The following APCDD1L variants were observed in gnomAD, a reference collection of about 807,000 sequenced individuals.
APCDD1L encodes APC down-regulated 1 like, also known as protein APCDD1-like.
Under a neutral mutation model 24.2 loss-of-function variants are expected in APCDD1L, and 21 were observed. The ratio of observed to expected loss-of-function variants is 0.87; its 90% CI spans 0.61 to 1.25. APCDD1L has a LOEUF of 1.25. Ranked by LOEUF, APCDD1L falls within the 50% of genes most tolerant of loss-of-function variation. The probability of loss-of-function intolerance (pLI) is 0.00; values close to 1 mark genes in which losing one functional copy is unlikely to be tolerated. For missense variants in APCDD1L, 704 were observed against 711.7 expected (o/e 0.99, Z 0.12); for synonymous variants, 321 against 323.6 (o/e 0.99, Z 0.09).
intron 1 of APCDD1L, among the ~76,000 whole-genome samples, chr20:58,506,937 G>C (rs753887536): frequency 2.0e-5 from 3 of 152,148 alleles, no homozygotes; most frequent in Non-Finnish European, 2.9e-5. Context: ...CAAGAAGCTT[G>C]GTGGTCCACA....
At chr20:58,492,682 C>G (rs1242758479) in intron 1 of APCDD1L, among the ~76,000 whole-genome samples, 1 of 152,266 alleles carries the variant, frequency 6.6e-6, no homozygotes, top group Non-Finnish European at 1.5e-5. Context: ...GAATCACAAT[C>G]AGAAATACAT....
chr20:58,512,253 C>T (rs983905443), intron 1 of APCDD1L, among the ~76,000 whole-genome samples: 9 of 152,330 alleles, frequency 5.9e-5, no homozygotes, highest in South Asian at 2.1e-4. Context: ...ATTTCCTGAT[C>T]GTTCAGAGCA....
chr20:58,475,454 G>A (rs1989888806), intron 1 of APCDD1L, among the ~76,000 whole-genome samples: 1 of 152,052 alleles, frequency 6.6e-6, no homozygotes, highest in African/African-American at 2.4e-5. Flanking sequence ...AGTTTTAAAA[G>A]GTGATTGATC....
chr20:58,501,476 C>T (rs1339570321), intron 1 of APCDD1L, among the ~76,000 whole-genome samples: 1 of 152,222 alleles, frequency 6.6e-6, no homozygotes, highest in East Asian at 1.9e-4. Context: ...AGACGGCCAC[C>T]TACAAGCCAG....
chr20:58,506,800 C>T lies in APCDD1L; in HGVS notation c.49+7859G>A, dbSNP rs147819884. Among the ~76,000 whole-genome samples the T allele has an allele frequency of 5.1e-3, 783 of 152,338 alleles. 9 individuals are homozygous for T. Among genetic ancestry groups the T allele is most frequent in the South Asian group, 0.02 (95 of 4,828 alleles). Reference sequence around the variant, plus strand: ...TTATATAAACAGTCAGCTCAGATGCCTCAGAGTGTGTGTGTCTCCTGGTGC... The same window carrying T: ...TTATATAAACAGTCAGCTCAGATGCTTCAGAGTGTGTGTGTCTCCTGGTGC... On this transcript the variant is annotated intron_variant, in intron 1 of 3. Coordinates refer to ENST00000371149, the MANE Select transcript of APCDD1L (RefSeq NM_153360.3).
At chr20:58,466,618 C>T (rs1346879898) in intron 3 of APCDD1L, among the ~76,000 whole-genome samples, 1 of 152,240 alleles carries the variant, frequency 6.6e-6, no homozygotes. Context: ...CCGCTGTGGC[C>T]CCACCCTTGT....
chr20:58,482,802 C>A (rs928400504), intron 1 of APCDD1L, among the ~76,000 whole-genome samples: 10 of 152,194 alleles, frequency 6.6e-5, no homozygotes, highest in African/African-American at 2.4e-4. Context: ...TTCTGTCACA[C>A]AACCCACAGG....
intron 1 of APCDD1L, among the ~76,000 whole-genome samples, chr20:58,487,957 C>T (rs1362690358): frequency 1.3e-5 from 2 of 151,972 alleles, no homozygotes; most frequent in Non-Finnish European, 2.9e-5. Context: ...TATGTGCGTG[C>T]CTGTGTGTGC....
In APCDD1L at chr20:58,470,700, A is replaced by G; in HGVS notation, c.97T>C (p.Trp33Arg). Residue 33 changes from tryptophan (W) to arginine (R), a missense_variant, in exon 2 of 4, where the codon TGG becomes CGG. By Grantham distance (101) the Trp-to-Arg change is moderately radical (BLOSUM62 -3). Transcript: ENST00000371149. ...AGEAGGSCLR[W>R]EPHCQQPLPD... ...AAGGGCTGCTGGCAGTGGGGTTCCC[A>G]GCGCAGGCAGCTGCCCCCGGCCTCC... 6.5e-7 allele frequency: 1 copy of G among 1,549,612 alleles called. No homozygotes were observed. Among genetic ancestry groups the G allele is most frequent in the Non-Finnish European group, 8.7e-7 (1 of 1,148,266 alleles).
intron 3 of APCDD1L, among the ~76,000 whole-genome samples, chr20:58,466,881 G>C (rs764540583): frequency 2.0e-5 from 3 of 152,240 alleles, no homozygotes; most frequent in Non-Finnish European, 4.4e-5. Context: ...GCCGACCAGA[G>C]GCCCGCCAGC....
rs1224830604 is a variant in APCDD1L at position 58,461,448 on chromosome 20, C to T, written c.848G>A (p.Trp283Ter). 1.1e-5 allele frequency: 16 copies of T among 1,504,080 alleles called. No individual in the cohort carries two copies. The highest frequency in any genetic ancestry group is 1.4e-5 in the Non-Finnish European group (16 of 1,123,922). The allele number at this position is 1,504,080 out of a possible 1,614,324, so 93.2% of individuals were successfully genotyped here. ...CACCTCGCACCCCGAGCTGACCCAC[C>T]AGCCGCCCAGGTGCAGGGGCAGGGC... ...PLALPLHLGG[W>*]WVSSGCEVRP... Residue 283 changes from tryptophan to a stop codon, truncating the protein, a stop_gained, in exon 4 of 4, where the codon TGG becomes TAG. Coordinates refer to ENST00000371149, the MANE Select transcript of APCDD1L (RefSeq NM_153360.3). LOFTEE classifies it low-confidence loss of function (END_TRUNC). The surrounding 1 kb of genome is among the most constrained non-coding windows in gnomAD (Gnocchi z 6.0).
At position 58,462,797 on chromosome 20, in the gene APCDD1L, T is replaced by A. The variant is rs190785869; in HGVS notation, c.742-1243A>T. ...AGGTGGAAGTTGCAGTGAGCTGAGA[T>A]CACACCATTGTACTCTGGCCTGGGG... On this transcript the variant is annotated intron_variant, in intron 3 of 3. Coordinates refer to ENST00000371149, the MANE Select transcript of APCDD1L (RefSeq NM_153360.3). Among the ~76,000 whole-genome samples, 32 of 147,268 alleles carry A rather than the reference T, an allele frequency of 2.2e-4. 2 individuals are homozygous for A. The highest frequency in any genetic ancestry group is 3.6e-3 in the Middle Eastern group (1 of 276).
At chr20:58,503,250 G>A (rs1448091203) in intron 1 of APCDD1L, among the ~76,000 whole-genome samples, 7 of 152,202 alleles carry the variant, frequency 4.6e-5, no homozygotes, top group Non-Finnish European at 1.0e-4. Flanking sequence ...GACTGTGGGA[G>A]AAACAACAAA....
chr20:58,472,512 T>G (rs937161855), intron 1 of APCDD1L, among the ~76,000 whole-genome samples: 7 of 152,182 alleles, frequency 4.6e-5, no homozygotes, highest in Non-Finnish European at 5.9e-5. Flanking sequence ...GGGGCTGACT[T>G]GGAGACGGGG....
intron 1 of APCDD1L, among the ~76,000 whole-genome samples, chr20:58,496,548 G>C (rs1047647702): frequency 6.6e-6 from 1 of 152,266 alleles, no homozygotes; most frequent in Non-Finnish European, 1.5e-5. Context: ...ACAGGGGAGA[G>C]AAAGGTGGGC....
At chr20:58,513,620 C>T (rs1348262897) in intron 1 of APCDD1L, among the ~76,000 whole-genome samples, 1 of 152,178 alleles carries the variant, frequency 6.6e-6, no homozygotes, top group Non-Finnish European at 1.5e-5. Context: ...CTCTGTGGGA[C>T]CGCGCAGCCC....
intron 3 of APCDD1L, among the ~76,000 whole-genome samples, chr20:58,464,255 C>A (rs6026288): frequency 0.16 from 23,990 of 152,130 alleles, 2,471 homozygotes; most frequent in African/African-American, 0.28. Flanking sequence ...CAAAAGACAA[C>A]CAAAAGATAT....
At chr20:58,495,883 C>G (rs1318306593) in intron 1 of APCDD1L, among the ~76,000 whole-genome samples, 1 of 152,068 alleles carries the variant, frequency 6.6e-6, no homozygotes, top group African/African-American at 2.4e-5. Context: ...GAGTGGGACC[C>G]AGCCTCCCCA....
Position 58,464,028 on chromosome 20 carries a change from G to A in APCDD1L, c.742-2474C>T, listed in dbSNP as rs374392998. Among the ~76,000 whole-genome samples, 8 of 152,150 alleles carry A rather than the reference G, an allele frequency of 5.3e-5. No individual in the cohort carries two copies. The East Asian group carries it at 1.2e-3, about 22-fold the overall frequency. ...GGGATTTGGGCCCAGAGAGCTTGAC[G>A]GTTCTCTGAAATGCTAGCAAATGGC... On this transcript the variant is annotated intron_variant, in intron 3 of 3. Coordinates refer to ENST00000371149, the MANE Select transcript of APCDD1L (RefSeq NM_153360.3).
Sources: allele counts gnomAD v4.1 joint callset (sites outside exome capture counted in the v4.1 genomes callset), GRCh38; gene constraint gnomAD v4.1.1; non-coding constraint Gnocchi (gnomAD v3.1); transcripts MANE v1.5; gene names NCBI Gene and HGNC (gene_info 2026-07-23, HGNC 2026-07-21).